MPRIP: variants seen among roughly 807,000 people sequenced by gnomAD.
The protein encoded by MPRIP is myosin phosphatase Rho interacting protein, also known as myosin phosphatase Rho-interacting protein.
MPRIP carries 59 observed loss-of-function variants against 234.9 expected under a neutral mutation model. That is an observed-to-expected ratio of 0.25 (90% CI 0.20 to 0.31). The LOEUF is 0.31. Ranked by LOEUF, MPRIP falls within the 10% of genes least tolerant of loss-of-function variation. The pLI is 1.00. For synonymous variants in MPRIP, 1,144 were observed against 1,263.9 expected, an observed-to-expected ratio of 0.91 and a Z score of 2.01; for missense variants, 2,436 against 3,071.0, an observed-to-expected ratio of 0.79 and a Z score of 4.89.
intron 2 of MPRIP, chr17:17,077,255 C>G (rs1029761780): frequency 6.6e-6 from 1 of 152,260 alleles, no homozygotes; most frequent in African/African-American, 2.4e-5. Flanking sequence ...CCAGCAGACT[C>G]GCATTATGGA....
chr17:17,119,237 A>T (rs544839162), intron 3 of MPRIP, among the ~76,000 whole-genome samples: 204 of 152,310 alleles, frequency 1.3e-3, no homozygotes, highest in African/African-American at 4.8e-3. Context: ...TCTGCAGCAC[A>T]GCCCACCAGC....
Position 17,064,575 on chromosome 17 carries a change from C to T in MPRIP, c.124-11135C>T, listed in dbSNP as rs935672005. Among the ~76,000 whole-genome samples, 7 of 152,244 alleles carry T rather than the reference C, an allele frequency of 4.6e-5. No homozygotes were observed. In the South Asian group the frequency reaches 1.5e-3, roughly 32 times the overall value. On this transcript the variant is annotated intron_variant, in intron 1 of 23. Transcript: ENST00000651222. ...CCCTCCCACATCAACCCAACCCCAGCCACCCAGGAATCCTGCTCCATTTCC... is the reference window on the plus strand; with the variant it reads ...CCCTCCCACATCAACCCAACCCCAGTCACCCAGGAATCCTGCTCCATTTCC...
At chr17:17,113,309 G>A (rs1030923938) in intron 3 of MPRIP, among the ~76,000 whole-genome samples, 6 of 152,244 alleles carry the variant, frequency 3.9e-5, no homozygotes, top group African/African-American at 1.4e-4. Flanking sequence ...AAATTTGCCA[G>A]TAGCTGTTCT....
In MPRIP at chr17:17,042,871, C is replaced by T; in HGVS notation, c.23C>T (p.Pro8Leu). Residue 8 changes from proline to leucine, a missense_variant, in exon 1 of 24, where the codon CCG becomes CTG. Physicochemically the swap from Pro to Leu is moderately conservative, Grantham distance 98 (BLOSUM62 -3). This residue lies in a region of MPRIP where 140 missense variants were observed against 207.3 expected (regional missense o/e 0.68). Transcript: ENST00000651222. ...ACCATGTCGGCAGCCAAGGAGAACCCGTGCAGGAAATTCCAGGCCAACATC... is the reference window on the plus strand; with the variant it reads ...ACCATGTCGGCAGCCAAGGAGAACCTGTGCAGGAAATTCCAGGCCAACATC... MSAAKEN[P>L]CRKFQANIFN... 1 of 1,601,112 alleles carries T rather than the reference C, an allele frequency of 6.2e-7. No individual in the cohort carries two copies. Among genetic ancestry groups the T allele is most frequent in the Non-Finnish European group, 8.5e-7 (1 of 1,174,738 alleles).
intron 1 of MPRIP, among the ~76,000 whole-genome samples, chr17:17,049,075 A>C (rs188346866): frequency 6.6e-6 from 1 of 152,260 alleles, no homozygotes; most frequent in Non-Finnish European, 1.5e-5. Context: ...AGAGGCAGAC[A>C]TGAAAGGTCA....
At chr17:17,176,102 C>T (rs1420110459) in intron 20 of MPRIP, among the ~76,000 whole-genome samples, 1 of 152,216 alleles carries the variant, frequency 6.6e-6, no homozygotes, top group Non-Finnish European at 1.5e-5. Context: ...CTGAGTGAGT[C>T]TGACACAAGT....
In MPRIP at chr17:17,175,469, G is replaced by A. The variant is rs2046235679; in HGVS notation, c.6870+57G>A. The A allele has an allele frequency of 5.3e-6, 8 of 1,507,700 alleles. No individual in the cohort carries two copies. The Middle Eastern group carries it at 5.3e-4, about 99-fold the overall frequency. 93.4% of individuals were successfully genotyped at this position (1,507,700 alleles called of 1,614,324 possible). A position where few individuals can be genotyped will look rare whatever the true frequency, so the allele number is the denominator to read the frequency against. ...AGCTCTGCACCCAGGAACCCCAGGGGAGTGCAGCATGGCCCCTGTCTTACA... is the reference window on the plus strand; with the variant it reads ...AGCTCTGCACCCAGGAACCCCAGGGAAGTGCAGCATGGCCCCTGTCTTACA... On this transcript the variant is annotated intron_variant, in intron 20 of 23. Transcript: ENST00000651222.
intron 4 of MPRIP, 48 bp downstream of exon 4, chr17:17,126,901 G>GCA (rs1254247290): frequency 6.3e-7 from 1 of 1,590,390 alleles, no homozygotes; most frequent in East Asian, 2.2e-5. Flanking sequence ...CTGCCACAGG[G>GCA]CCAACACCAG....
chr17:17,119,270 T>G (rs2090343979), intron 3 of MPRIP, among the ~76,000 whole-genome samples: 1 of 152,198 alleles, frequency 6.6e-6, no homozygotes, highest in Admixed American at 6.5e-5. Flanking sequence ...GGAGGTGGTG[T>G]TCCTGCCTGG....
At chr17:17,057,627 C>A in intron 1 of MPRIP, 1 of 718,122 alleles carries the variant, frequency 1.4e-6, no homozygotes, top group Non-Finnish European at 2.6e-6. Context: ...ACCTTTATTT[C>A]TTTGGCAGCA....
intron 3 of MPRIP, among the ~76,000 whole-genome samples, chr17:17,099,087 T>C (rs574256737): frequency 2.0e-5 from 3 of 151,790 alleles, no homozygotes; most frequent in African/African-American, 7.2e-5. Flanking sequence ...AGGCTTCTTT[T>C]CTTTCATTTT....
intron 6 of MPRIP, among the ~76,000 whole-genome samples, chr17:17,137,092 A>G (rs2090716671): frequency 6.6e-6 from 1 of 152,180 alleles, no homozygotes; most frequent in Admixed American, 6.5e-5. Context: ...CTCTGTCTGC[A>G]TCTTCTACAT....
intron 3 of MPRIP, among the ~76,000 whole-genome samples, chr17:17,124,780 G>A (rs1365940503): frequency 1.3e-5 from 2 of 152,218 alleles, no homozygotes; most frequent in Non-Finnish European, 2.9e-5. Context: ...AGGGAAGTCA[G>A]AGCAACCCTT....
intron 11 of MPRIP, among the ~76,000 whole-genome samples, chr17:17,149,587 A>T (rs2045552343): frequency 6.6e-6 from 1 of 151,926 alleles, no homozygotes. Context: ...GATTTGCAAA[A>T]ATTCAAAGCA....
At chr17:17,155,257 T>C (rs945324323) in intron 13 of MPRIP, among the ~76,000 whole-genome samples, 7 of 120,352 alleles carry the variant, frequency 5.8e-5, no homozygotes, top group African/African-American at 2.4e-4. Flanking sequence ...AAGCGTGTTC[T>C]TTTTTTTTTT....
chr17:17,126,753 G>A lies in MPRIP; in HGVS notation c.319G>A (p.Val107Met). The A allele has an allele frequency of 3.1e-6, 5 of 1,614,182 alleles. No individual in the cohort carries two copies. Among genetic ancestry groups the A allele is most frequent in the Non-Finnish European group, 4.2e-6 (5 of 1,180,006 alleles). The stretch of plus-strand genomic sequence containing the variant: ...CAACATGAACCAGTGCACAGATGTG[G>A]TGGATGGGGAGGGCCGCACGGGCCA... ...TINMNQCTDV[V>M]DGEGRTGQKF... Residue 107 changes from valine (V) to methionine (M), a missense_variant, in exon 4 of 24, where the codon GTG (valine) becomes ATG (methionine). By Grantham distance (21) the Val-to-Met change is conservative. Transcript: ENST00000651222.
chr17:17,057,717 G>C lies in MPRIP; in HGVS notation c.123+14746G>C, dbSNP rs997322703. ...GTTCTCATGTTGAAGGACAGGAAGA[G>C]GAATGGCATCAGCTATGAGACCACC... On this transcript the variant is annotated intron_variant, in intron 1 of 23. Coordinates refer to ENST00000651222, the MANE Select transcript of MPRIP (RefSeq NM_001364716.4). 6 of 717,816 alleles carry C rather than the reference G, an allele frequency of 8.4e-6. No homozygotes were observed. The African/African-American group carries it at 1.0e-4, about 13-fold the overall frequency. The allele number at this position is 717,816 out of a possible 1,614,324, so 44.5% of individuals were successfully genotyped here. A position where few individuals can be genotyped will look rare whatever the true frequency, so the allele number is the denominator to read the frequency against.
intron 7 of MPRIP, chr17:17,142,409 G>C: frequency 1.9e-6 from 1 of 524,642 alleles, no homozygotes; most frequent in Non-Finnish European, 3.4e-6. Context: ...TAGCGCGGGG[G>C]CAGAGGGTAG....
Position 17,094,006 on chromosome 17 carries a change from A to G in MPRIP, c.267+15930A>G, listed in dbSNP as rs376353393. 3.3e-5 allele frequency among the ~76,000 whole-genome samples: 5 copies of G among 152,138 alleles called. No homozygotes were observed. The East Asian group carries it at 9.6e-4, about 29-fold the overall frequency. On this transcript the variant is annotated intron_variant, in intron 3 of 23. Transcript: ENST00000651222. ...TCTGGCTGTCCTCTGGACCTGCTGC[A>G]TAGCTCTCCATCTGGGCTTGACCTT... is the stretch of plus-strand genomic sequence containing the variant.
Sources: allele counts gnomAD v4.1 joint callset (sites outside exome capture counted in the v4.1 genomes callset), GRCh38; gene constraint gnomAD v4.1.1; regional missense constraint gnomAD v4.1.1; transcripts MANE v1.5; gene names NCBI Gene and HGNC (gene_info 2026-07-23, HGNC 2026-07-21).